Variants in ATAD2B observed in about 807,000 individuals in gnomAD.
The protein encoded by ATAD2B is ATPase family AAA domain containing 2B.
ATAD2B carries 40 observed loss-of-function variants against 167.6 expected under a neutral mutation model. The observed-to-expected ratio is 0.24, with a 90% CI of 0.19 to 0.31. ATAD2B has a LOEUF of 0.31. ATAD2B is among the 10% of genes least tolerant of loss of function. ATAD2B has a pLI of 1.00. For missense variants in ATAD2B, 1,242 were observed against 1,757.2 expected (o/e 0.71, Z 5.24); for synonymous variants, 579 against 596.5 (o/e 0.97, Z 0.43).
chr2:23,779,038 G>A (rs1328488682), intron 22 of ATAD2B, among the ~76,000 whole-genome samples: 1 of 152,106 alleles, frequency 6.6e-6, no homozygotes, highest in Non-Finnish European at 1.5e-5. Flanking sequence ...AAATGGGGCC[G>A]ACATCCAGCC....
At chr2:23,887,710 CAAGTT>C (rs1698899946) in intron 4 of ATAD2B, 117 bp downstream of exon 4, 5 of 845,786 alleles carry the variant, frequency 5.9e-6, no homozygotes, top group East Asian at 5.8e-5. Context: ...CACCCAGCTT[CAAGTT>C]AAGTTTTTAA....
intron 14 of ATAD2B, among the ~76,000 whole-genome samples, chr2:23,833,518 T>C (rs565644657): frequency 2.0e-5 from 3 of 152,330 alleles, no homozygotes; most frequent in South Asian, 2.1e-4. Context: ...TAATTAAATA[T>C]AGCAATTTCT....
chr2:23,698,029 G>C, the ATAD2B span: 1 of 152,138 alleles, frequency 6.6e-6, no homozygotes, highest in East Asian at 1.9e-4. Context: ...ATAAATATAG[G>C]GATTTGTTCA....
At chr2:23,841,496 T>C (rs2149809645) in intron 13 of ATAD2B, among the ~76,000 whole-genome samples, 1 of 152,188 alleles carries the variant, frequency 6.6e-6, no homozygotes, top group Non-Finnish European at 1.5e-5. Context: ...TCATCCATGG[T>C]GTGGCATGTG....
chr2:23,902,195 T>A (rs1360548054), intron 1 of ATAD2B, among the ~76,000 whole-genome samples: 1 of 152,182 alleles, frequency 6.6e-6, no homozygotes, highest in East Asian at 1.9e-4. Flanking sequence ...GCATATAACA[T>A]ACTTCAAGTA....
At chr2:23,783,901 G>A (rs1000882926) in intron 21 of ATAD2B, among the ~76,000 whole-genome samples, 2 of 151,988 alleles carry the variant, frequency 1.3e-5, no homozygotes, top group Non-Finnish European at 2.9e-5. Context: ...AGATGGCATC[G>A]ATACCATTAT....
chr2:23,860,182 GA>G (rs751037131), intron 12 of ATAD2B, among the ~76,000 whole-genome samples: 8 of 152,124 alleles, frequency 5.3e-5, no homozygotes, highest in Non-Finnish European at 2.9e-5. Flanking sequence ...GACACAGCAA[GA>G]AGGCACTGAC....
chr2:23,847,810 C>T (rs1201783940), intron 13 of ATAD2B, among the ~76,000 whole-genome samples: 1 of 150,934 alleles, frequency 6.6e-6, no homozygotes, highest in East Asian at 2.0e-4. Flanking sequence ...TATGGTAAAA[C>T]CCCATCTCTA....
intron 18 of ATAD2B, among the ~76,000 whole-genome samples, chr2:23,810,053 T>C (rs1685307005): frequency 6.6e-6 from 1 of 151,936 alleles, no homozygotes; most frequent in South Asian, 2.1e-4. Flanking sequence ...CAAAATAAAC[T>C]CCCTTTCTAC....
chr2:23,729,651 T>C, the ATAD2B span, among the ~76,000 whole-genome samples: 1,472 of 152,248 alleles, frequency 9.7e-3, 14 homozygotes, highest in Non-Finnish European at 0.013. Context: ...ATTTTGACTT[T>C]TGACACATAC....
At chr2:23,915,739 G>A (rs1425438244) in intron 1 of ATAD2B, among the ~76,000 whole-genome samples, 3 of 151,596 alleles carry the variant, frequency 2.0e-5, no homozygotes, top group Non-Finnish European at 2.9e-5. Context: ...TTACAAGCAC[G>A]TGCCACCAAG....
chr2:23,865,028 G>A, intron 10 of ATAD2B, 104 bp from the exon 11 acceptor site: 1 of 604,196 alleles, frequency 1.7e-6, no homozygotes, highest in Non-Finnish European at 2.7e-6. Context: ...CATGCCTTTA[G>A]CAGAAGCTTT....
chr2:23,678,483 A>G, the ATAD2B span, among the ~76,000 whole-genome samples: 125,127 of 152,174 alleles, frequency 0.82, 53,509 homozygotes, highest in East Asian at 1. Context: ...ATGAGAGACC[A>G]CGTGGAGCAG....
chr2:23,828,452 G>A (rs752100847), intron 15 of ATAD2B, among the ~76,000 whole-genome samples: 7 of 152,134 alleles, frequency 4.6e-5, no homozygotes, highest in Non-Finnish European at 7.4e-5. Context: ...AAATAAGCCC[G>A]TTGTGTAATC....
the ATAD2B span, chr2:23,684,260 T>A: frequency 1.7e-6 from 1 of 576,638 alleles, no homozygotes; most frequent in Non-Finnish European, 2.7e-6. This position sits in a 1 kb window ranked among gnomAD's most constrained non-coding sequence, Gnocchi z 4.4. Context: ...CTGTCAGTGT[T>A]GAGCCAGTCT....
chr2:23,831,240 T>C (rs999000456), intron 14 of ATAD2B, among the ~76,000 whole-genome samples: 1 of 152,214 alleles, frequency 6.6e-6, no homozygotes, highest in East Asian at 1.9e-4. Context: ...CATACAAATA[T>C]ATATTACTTA....
chr2:23,890,340 C>T (rs1553447462), intron 2 of ATAD2B, among the ~76,000 whole-genome samples: 1 of 151,588 alleles, frequency 6.6e-6, no homozygotes, highest in South Asian at 2.1e-4. Flanking sequence ...CTCTAGAAAA[C>T]AACAAAAAAA....
At chr2:23,917,759 C>G (rs1183527523) in intron 1 of ATAD2B, among the ~76,000 whole-genome samples, 2 of 151,910 alleles carry the variant, frequency 1.3e-5, no homozygotes, top group Non-Finnish European at 2.9e-5. Context: ...AGACTCCTGT[C>G]TGGAAAAATA....
intron 15 of ATAD2B, among the ~76,000 whole-genome samples, chr2:23,824,173 G>A (rs1050726028): frequency 1.3e-5 from 2 of 151,838 alleles, no homozygotes; most frequent in African/African-American, 4.8e-5. Context: ...CATTGCCTAG[G>A]CTGGTCTCAA....
Sources: gnomAD v4.1 joint callset for allele counts (sites outside exome capture counted in the v4.1 genomes callset) on GRCh38, gnomAD v4.1.1 for gene constraint, Gnocchi (gnomAD v3.1) non-coding constraint, MANE v1.5 for transcripts, NCBI Gene and HGNC (gene_info 2026-07-23, HGNC 2026-07-21) for gene names.